The following CCSER2 variants were observed in gnomAD, a reference collection of about 807,000 sequenced individuals.
The protein encoded by CCSER2 is serine-rich coiled-coil domain-containing protein 2.
CCSER2 carries 46 observed loss-of-function variants against 92.3 expected under a neutral mutation model. The observed-to-expected ratio is 0.50, with a 90% confidence interval of 0.39 to 0.64. The LOEUF is 0.64. Among genes scored for constraint, CCSER2 ranks in the 30% least tolerant of loss-of-function variants. The probability of loss-of-function intolerance (pLI) is 0.00; values close to 1 mark genes in which losing one functional copy is unlikely to be tolerated. For synonymous variants in CCSER2, 433 were observed against 431.4 expected (o/e 1.00, Z -0.04); for missense variants, 1,244 against 1,238.9 (o/e 1.00, Z -0.06).
intron 9 of CCSER2, among the ~76,000 whole-genome samples, chr10:84,484,473 A>G (rs573009687): frequency 2.1e-5 from 3 of 143,876 alleles, no homozygotes; most frequent in South Asian, 2.2e-4. Flanking sequence ...GAGACGTTGC[A>G]TGCATGTGTG....
intron 3 of CCSER2, among the ~76,000 whole-genome samples, chr10:84,416,159 T>C (rs1842878259): frequency 6.6e-6 from 1 of 152,214 alleles, no homozygotes; most frequent in Non-Finnish European, 1.5e-5. Context: ...GATTGCACAA[T>C]CACTCACCAC....
At chr10:84,440,977 A>G (rs930996568) in intron 6 of CCSER2, among the ~76,000 whole-genome samples, 1 of 152,152 alleles carries the variant, frequency 6.6e-6, no homozygotes, top group African/African-American at 2.4e-5. Context: ...TATTTCTAGC[A>G]TTCTGCAGTT....
chr10:84,456,343 T>C (rs1845619415), intron 6 of CCSER2, among the ~76,000 whole-genome samples: 1 of 152,140 alleles, frequency 6.6e-6, no homozygotes, highest in African/African-American at 2.4e-5. Context: ...ATATATAGCC[T>C]TTGAGTCTGG....
At chr10:84,388,142 G>C (rs200364284) in intron 3 of CCSER2, among the ~76,000 whole-genome samples, 1 of 152,166 alleles carries the variant, frequency 6.6e-6, no homozygotes, top group Non-Finnish European at 1.5e-5. Flanking sequence ...GGATTACAGC[G>C]CTCCTGGCCT....
intron 1 of CCSER2, among the ~76,000 whole-genome samples, chr10:84,358,085 A>C (rs1464384446): frequency 6.6e-6 from 1 of 152,168 alleles, no homozygotes; most frequent in Non-Finnish European, 1.5e-5. Flanking sequence ...CCCTGCCTAC[A>C]GTGGTTTGGA....
At chr10:84,423,363 A>C (rs936551479) in intron 4 of CCSER2, among the ~76,000 whole-genome samples, 2 of 152,190 alleles carry the variant, frequency 1.3e-5, no homozygotes, top group African/African-American at 4.8e-5. Context: ...GGTTATGGCA[A>C]ATGTTTGCTT....
chr10:84,397,115 T>C (rs1841885800), intron 3 of CCSER2, among the ~76,000 whole-genome samples: 2 of 152,234 alleles, frequency 1.3e-5, no homozygotes, highest in Non-Finnish European at 2.9e-5. Context: ...TATATGAAAG[T>C]TGCTATGCAT....
chr10:84,452,989 C>T (rs1564679327), intron 6 of CCSER2, among the ~76,000 whole-genome samples: 1 of 152,026 alleles, frequency 6.6e-6, no homozygotes, highest in East Asian at 1.9e-4. Context: ...CTTTAAGGCT[C>T]TTGTGCTTTA....
intron 3 of CCSER2, among the ~76,000 whole-genome samples, chr10:84,387,431 C>A (rs1318227941): frequency 6.6e-6 from 1 of 152,206 alleles, no homozygotes; most frequent in South Asian, 2.1e-4. Flanking sequence ...CTCCTTTCTT[C>A]GTACGTCTAA....
chr10:84,502,565 G>T (rs2131847558), intron 9 of CCSER2, among the ~76,000 whole-genome samples: 2 of 152,034 alleles, frequency 1.3e-5, no homozygotes, highest in Middle Eastern at 6.8e-3. Flanking sequence ...TAGAGACGAG[G>T]TTTCACCGTG....
chr10:84,454,475 C>G (rs539647643), intron 6 of CCSER2, among the ~76,000 whole-genome samples: 2 of 151,970 alleles, frequency 1.3e-5, no homozygotes, highest in Non-Finnish European at 2.9e-5. Flanking sequence ...TAAAATTCAG[C>G]CTTTTGGTGT....
intron 3 of CCSER2, among the ~76,000 whole-genome samples, chr10:84,377,343 T>C (rs2133196922): frequency 6.6e-6 from 1 of 152,312 alleles, no homozygotes; most frequent in African/African-American, 2.4e-5. Flanking sequence ...TGTAGGTCTC[T>C]AGTCCCCATC....
intron 6 of CCSER2, among the ~76,000 whole-genome samples, chr10:84,445,409 T>C (rs1844852350): frequency 6.6e-6 from 1 of 152,224 alleles, no homozygotes. Context: ...CGCCTTGGCC[T>C]CCCAAAGTGC....
At chr10:84,448,318 A>G (rs1376266173) in intron 6 of CCSER2, among the ~76,000 whole-genome samples, 1 of 152,104 alleles carries the variant, frequency 6.6e-6, no homozygotes, top group South Asian at 2.1e-4. Flanking sequence ...CTGATTATGC[A>G]CATACACTCT....
chr10:84,518,143 C>G lies in CCSER2; in HGVS notation c.*3876C>G, dbSNP rs955925103. ...TATTTTCTAGTGATTTTTCACATCT[C>G]CCTTTAAGTTTTTGCTGCAGCAATT... On this transcript the variant is annotated 3_prime_UTR_variant, in exon 10 of 10. Transcript: ENST00000372088. 1 of 152,066 alleles carries G rather than the reference C, an allele frequency of 6.6e-6. No individual in the cohort carries two copies. 9.4% of individuals were successfully genotyped at this position (152,066 alleles called of 1,614,324 possible).
chr10:84,450,247 C>T (rs1178760066), intron 6 of CCSER2, among the ~76,000 whole-genome samples: 5 of 152,026 alleles, frequency 3.3e-5, no homozygotes, highest in African/African-American at 7.2e-5. Flanking sequence ...AGGTTAAAAC[C>T]GGTTAGTGGG....
intron 6 of CCSER2, among the ~76,000 whole-genome samples, chr10:84,457,334 AT>A (rs1564685165): frequency 5.8e-4 from 27 of 46,286 alleles, no homozygotes; most frequent in South Asian, 2.0e-3. Context: ...TATATAATAT[AT>A]TATATATTAT....
chr10:84,477,297 A>G (rs1280187786), intron 8 of CCSER2, among the ~76,000 whole-genome samples: 1 of 152,188 alleles, frequency 6.6e-6, no homozygotes, highest in Non-Finnish European at 1.5e-5. Context: ...ATAAGATGAG[A>G]GACCACTGAA....
At chr10:84,457,264 A>AT (rs1489338567) in intron 6 of CCSER2, among the ~76,000 whole-genome samples, 1 of 27,976 alleles carries the variant, frequency 3.6e-5, no homozygotes, top group Non-Finnish European at 5.7e-5. Flanking sequence ...TATAAAATAT[A>AT]TTATATATAA....
Sources: allele counts gnomAD v4.1 joint callset (sites outside exome capture counted in the v4.1 genomes callset), GRCh38; gene constraint gnomAD v4.1.1; transcripts MANE v1.5; gene names NCBI Gene and HGNC (gene_info 2026-07-23, HGNC 2026-07-21).